Variants in HMGCLL1 observed in about 807,000 individuals in gnomAD.
HMGCLL1 encodes 3-hydroxy-3-methylglutaryl-CoA lyase like 1, also known as 3-hydroxymethyl-3-methylglutaryl-CoA lyase, cytoplasmic.
In HMGCLL1, 36 loss-of-function variants were observed where a neutral mutation model predicts 39.1. The ratio of observed to expected loss-of-function variants is 0.92; its 90% confidence interval spans 0.71 to 1.22. HMGCLL1 has a LOEUF of 1.22. HMGCLL1 is among the 50% of genes most tolerant of loss of function. The pLI, the probability that HMGCLL1 is intolerant of heterozygous loss-of-function variation, is 0.00. For missense variants in HMGCLL1, 451 were observed against 416.5 expected, an observed-to-expected ratio of 1.08 and a Z score of -0.72; for synonymous variants, 149 against 144.0, an observed-to-expected ratio of 1.03 and a Z score of -0.25.
At position 55,435,670 on chromosome 6, in the gene HMGCLL1, T is replaced by C. The variant is rs1763339759; in HGVS notation, c.1015A>G (p.Asn339Asp). The C allele has an allele frequency of 1.3e-6, 2 of 1,583,926 alleles. No homozygotes were observed. Among genetic ancestry groups the C allele is most frequent in the Admixed American group, 1.7e-5 (1 of 57,822 alleles). ...TNSKVAQASFNA is the reference protein window; with the variant it reads ...TNSKVAQASFDA The stretch of plus-strand genomic sequence containing the variant: ...TCATAAATCCATTCAAGTCAAGCAT[T>C]GAAGGAGGCTTGTGCTACTTTAGAG... Residue 339 changes from asparagine (N) to aspartate (D), a missense_variant, in exon 9 of 9, where the codon AAT becomes GAT. Coordinates refer to ENST00000274901, the MANE Select transcript of HMGCLL1 (RefSeq NM_001042406.2).
the HMGCLL1 span, among the ~76,000 whole-genome samples, chr6:55,676,081 C>T: frequency 1.3e-5 from 2 of 152,086 alleles, no homozygotes; most frequent in Admixed American, 1.3e-4. Context: ...AAGGCATATG[C>T]TTTTTGAGAA....
At chr6:55,477,328 T>TTAAATAATATATATTATATTA (rs1554143270) in intron 7 of HMGCLL1, among the ~76,000 whole-genome samples, 2 of 18,060 alleles carry the variant, frequency 1.1e-4, no homozygotes, top group African/African-American at 3.8e-4. Context: ...TATATTATAT[T>TTAAATAATATATATTATATTA]ATATAATATA....
chr6:55,533,526 A>G (rs1465684364), intron 3 of HMGCLL1, among the ~76,000 whole-genome samples: 1 of 152,166 alleles, frequency 6.6e-6, no homozygotes. Flanking sequence ...AAAAGCAAAT[A>G]GGTATTCATA....
chr6:55,564,957 G>C (rs911256137), intron 1 of HMGCLL1, among the ~76,000 whole-genome samples: 96 of 152,046 alleles, frequency 6.3e-4, no homozygotes, highest in African/African-American at 2.2e-3. Context: ...GTCTCAACAT[G>C]AATTAATGAT....
chr6:55,508,539 T>C (rs770811482), intron 5 of HMGCLL1, among the ~76,000 whole-genome samples: 1 of 151,808 alleles, frequency 6.6e-6, no homozygotes, highest in Non-Finnish European at 1.5e-5. Context: ...TAAATAAAAG[T>C]AAATTTGTAA....
At chr6:55,662,319 G>C in the HMGCLL1 span, among the ~76,000 whole-genome samples, 65 of 151,784 alleles carry the variant, frequency 4.3e-4, no homozygotes, top group African/African-American at 1.0e-3. Context: ...TATTGGTTGT[G>C]GTTTTTTCAT....
At chr6:55,644,356 A>G in the HMGCLL1 span, among the ~76,000 whole-genome samples, 6 of 151,792 alleles carry the variant, frequency 4.0e-5, no homozygotes, top group Non-Finnish European at 8.8e-5. Context: ...TTGTCTTTTC[A>G]CTTTGTTGAC....
the HMGCLL1 span, among the ~76,000 whole-genome samples, chr6:55,588,594 TA>T: frequency 2.6e-5 from 4 of 151,948 alleles, no homozygotes; most frequent in East Asian, 1.9e-4. Context: ...AAAAACCCTT[TA>T]AAAAAATCAA....
At chr6:55,477,329 AT>A (rs1455044382) in intron 7 of HMGCLL1, among the ~76,000 whole-genome samples, 3 of 19,018 alleles carry the variant, frequency 1.6e-4, no homozygotes, top group Non-Finnish European at 2.4e-4. Context: ...ATATTATATT[AT>A]ATAATATATA....
chr6:55,557,788 G>A (rs1770749561), intron 1 of HMGCLL1, among the ~76,000 whole-genome samples: 1 of 152,080 alleles, frequency 6.6e-6, no homozygotes, highest in Non-Finnish European at 1.5e-5. Context: ...CGTATACAAG[G>A]GGGAAAGGGG....
In HMGCLL1 at chr6:55,563,545, T is replaced by G. The variant is rs189232480; in HGVS notation, c.108+15403A>C. On this transcript the variant is annotated intron_variant, in intron 1 of 8. Coordinates refer to ENST00000274901, the MANE Select transcript of HMGCLL1 (RefSeq NM_001042406.2). ...TATTTTATAGTATAATTCAGCCTAT[T>G]TTAAATATTTTAAACTTTGTGAAAG... 2.8e-4 allele frequency among the ~76,000 whole-genome samples: 42 copies of G among 152,266 alleles called. 1 individual carries two copies. The highest frequency in any genetic ancestry group is 9.9e-4 in the African/African-American group (41 of 41,574).
chr6:55,647,522 T>A, the HMGCLL1 span, among the ~76,000 whole-genome samples: 4 of 151,442 alleles, frequency 2.6e-5, no homozygotes, highest in Middle Eastern at 3.4e-3. Flanking sequence ...GGTGGTATGC[T>A]TTAATTTATT....
chr6:55,619,098 G>A, the HMGCLL1 span, among the ~76,000 whole-genome samples: 1 of 151,502 alleles, frequency 6.6e-6, no homozygotes, highest in African/African-American at 2.4e-5. Flanking sequence ...GAGCAAGCAG[G>A]CAAAACTGGG....
chr6:55,580,640 C>T (rs981944671), upstream of HMGCLL1, among the ~76,000 whole-genome samples: 2 of 152,036 alleles, frequency 1.3e-5, no homozygotes, highest in Non-Finnish European at 1.5e-5. Flanking sequence ...TGGTCTCGAT[C>T]TCCTGACCTC....
chr6:55,658,837 A>G, the HMGCLL1 span, among the ~76,000 whole-genome samples: 1 of 152,068 alleles, frequency 6.6e-6, no homozygotes, highest in East Asian at 2.0e-4. Flanking sequence ...GTATAATTAT[A>G]AACTTTGTAG....
the HMGCLL1 span, among the ~76,000 whole-genome samples, chr6:55,644,861 T>C: frequency 6.6e-6 from 1 of 151,868 alleles, no homozygotes; most frequent in Non-Finnish European, 1.5e-5. Flanking sequence ...TTTTTGCTCA[T>C]AGCATAGTTG....
At chr6:55,521,691 A>G (rs1006041000) in intron 3 of HMGCLL1, among the ~76,000 whole-genome samples, 1 of 152,004 alleles carries the variant, frequency 6.6e-6, no homozygotes, top group African/African-American at 2.4e-5. Context: ...TGATCTATCA[A>G]TTGGGCATTC....
At chr6:55,455,708 C>A (rs1051083303) in intron 7 of HMGCLL1, among the ~76,000 whole-genome samples, 5 of 152,260 alleles carry the variant, frequency 3.3e-5, no homozygotes, top group African/African-American at 1.2e-4. Context: ...GGATAACTCT[C>A]TAGCCATTTA....
chr6:55,499,917 T>C (rs1262580755), intron 5 of HMGCLL1, among the ~76,000 whole-genome samples: 2 of 152,044 alleles, frequency 1.3e-5, no homozygotes, highest in African/African-American at 4.8e-5. Context: ...TAACTCATTC[T>C]AACATTAAAA....
Sources: gnomAD v4.1 joint callset for allele counts (sites outside exome capture counted in the v4.1 genomes callset) on GRCh38, gnomAD v4.1.1 for gene constraint, MANE v1.5 for transcripts, NCBI Gene and HGNC (gene_info 2026-07-23, HGNC 2026-07-21) for gene names.